The following CLASP2 variants were observed in gnomAD, a reference collection of about 807,000 sequenced individuals.
The protein encoded by CLASP2 is CLIP-associating protein 2.
CLASP2 carries 47 observed loss-of-function variants against 194.4 expected under a neutral mutation model. That is an observed-to-expected ratio of 0.24 (90% confidence interval 0.19 to 0.31). The LOEUF is 0.31. Among genes scored for constraint, CLASP2 ranks in the 10% least tolerant of loss-of-function variants. The probability of loss-of-function intolerance (pLI) is 1.00; values close to 1 mark genes in which losing one functional copy is unlikely to be tolerated. For synonymous variants in CLASP2, 619 were observed against 633.5 expected, an observed-to-expected ratio of 0.98 and a Z score of 0.34; for missense variants, 1,445 against 1,823.6, an observed-to-expected ratio of 0.79 and a Z score of 3.78.
intron 37 of CLASP2, chr3:33,502,873 A>G (rs988878917): frequency 4.6e-5 from 7 of 152,218 alleles, no homozygotes; most frequent in Admixed American, 4.6e-4. Flanking sequence ...TATAATTGCA[A>G]TTATAATGTA....
At chr3:33,522,394 C>G (rs1329476127) in intron 34 of CLASP2, among the ~76,000 whole-genome samples, 3 of 152,012 alleles carry the variant, frequency 2.0e-5, no homozygotes, top group Admixed American at 6.6e-5. Flanking sequence ...ACAATCAGAA[C>G]CAGAATCAAC....
intron 6 of CLASP2, among the ~76,000 whole-genome samples, chr3:33,674,009 C>T (rs1559601601): frequency 6.6e-6 from 1 of 152,074 alleles, no homozygotes; most frequent in Admixed American, 6.6e-5. Flanking sequence ...CTTTAACACC[C>T]CACTGTCAAC....
intron 34 of CLASP2, among the ~76,000 whole-genome samples, chr3:33,530,006 A>AT (rs1559881299): frequency 1.3e-4 from 20 of 150,728 alleles, no homozygotes; most frequent in African/African-American, 4.9e-4. Flanking sequence ...AAAAAAAAAA[A>AT]AAAAAGATCT....
chr3:33,570,924 C>G, intron 25 of CLASP2, 134 bp from the exon 26 acceptor site: 1 of 764,064 alleles, frequency 1.3e-6, no homozygotes, highest in Non-Finnish European at 2.0e-6. Context: ...GCCTATAATC[C>G]TAGCATTTTG....
chr3:33,661,760 T>A (rs2085344996), intron 7 of CLASP2, among the ~76,000 whole-genome samples: 1 of 152,206 alleles, frequency 6.6e-6, no homozygotes, highest in African/African-American at 2.4e-5. Context: ...TAGACCTACA[T>A]ACTGGGAATC....
At chr3:33,700,619 G>A (rs537113424) in intron 1 of CLASP2, among the ~76,000 whole-genome samples, 4 of 152,212 alleles carry the variant, frequency 2.6e-5, no homozygotes, top group East Asian at 1.9e-4. Flanking sequence ...GGTGAGGCAG[G>A]CAGATCACCT....
At chr3:33,699,122 T>C (rs2092183184) in intron 1 of CLASP2, among the ~76,000 whole-genome samples, 1 of 152,106 alleles carries the variant, frequency 6.6e-6, no homozygotes, top group Non-Finnish European at 1.5e-5. Context: ...AAAGATTTGA[T>C]ACAGAGAAGG....
chr3:33,637,386 C>T (rs1009054334), intron 8 of CLASP2, among the ~76,000 whole-genome samples: 1 of 152,130 alleles, frequency 6.6e-6, no homozygotes, highest in East Asian at 1.9e-4. Flanking sequence ...CAAAAATTAG[C>T]TGGGCATGGT....
intron 9 of CLASP2, among the ~76,000 whole-genome samples, chr3:33,627,955 TAGG>T (rs1031645985): frequency 3.3e-5 from 5 of 151,970 alleles, no homozygotes; most frequent in African/African-American, 1.2e-4. Context: ...ATAAAGGGAC[TAGG>T]AGAAGAGCCA....
chr3:33,587,413 C>T (rs755136001), intron 21 of CLASP2, among the ~76,000 whole-genome samples: 1 of 152,124 alleles, frequency 6.6e-6, no homozygotes, highest in East Asian at 1.9e-4. Context: ...CGTGAGCCAC[C>T]GCACCCGGCC....
At chr3:33,671,243 G>A (rs977349494) in intron 6 of CLASP2, among the ~76,000 whole-genome samples, 9 of 152,194 alleles carry the variant, frequency 5.9e-5, no homozygotes, top group South Asian at 4.2e-4. Flanking sequence ...CAGGACTACA[G>A]AACACTTCCT....
intron 26 of CLASP2, among the ~76,000 whole-genome samples, chr3:33,568,444 C>T (rs1050098488): frequency 2.7e-5 from 4 of 149,146 alleles, no homozygotes; most frequent in Non-Finnish European, 6.0e-5. Flanking sequence ...ATCCCAGCTA[C>T]TTGGAAGGCT....
chr3:33,668,573 T>C (rs1213639741), intron 6 of CLASP2, among the ~76,000 whole-genome samples: 6 of 152,230 alleles, frequency 3.9e-5, no homozygotes, highest in Non-Finnish European at 5.9e-5. Context: ...CCGAAATTAA[T>C]CTACGCTTTA....
chr3:33,621,984 C>T, intron 11 of CLASP2, 151 bp downstream of exon 11: 1 of 508,876 alleles, frequency 2.0e-6, no homozygotes, highest in Non-Finnish European at 3.1e-6. Context: ...TTTTAAAAAT[C>T]ATACAGATTG....
At chr3:33,519,684 T>G (rs1575775361) in intron 34 of CLASP2, among the ~76,000 whole-genome samples, 1 of 152,222 alleles carries the variant, frequency 6.6e-6, no homozygotes, top group Non-Finnish European at 1.5e-5. Context: ...ATGGGACTAC[T>G]ACTGCTTTAG....
chr3:33,536,619 A>C (rs1194266437), intron 33 of CLASP2, among the ~76,000 whole-genome samples: 1 of 152,158 alleles, frequency 6.6e-6, no homozygotes, highest in Non-Finnish European at 1.5e-5. Context: ...TTTGGTTTTT[A>C]CTCTGAGACA....
At chr3:33,505,752 G>A (rs77942620) in intron 37 of CLASP2, among the ~76,000 whole-genome samples, 5,376 of 152,218 alleles carry the variant, frequency 0.035, 145 homozygotes, top group Middle Eastern at 0.068. Flanking sequence ...TCAATGAGAT[G>A]CCACCTAAAA....
Position 33,696,868 on chromosome 3 carries a change from G to A in CLASP2, c.261C>T (p.Ser87=). 1.3e-6 allele frequency: 2 copies of A among 1,588,818 alleles called. No homozygotes were observed. Among genetic ancestry groups the A allele is most frequent in the Non-Finnish European group, 1.7e-6 (2 of 1,164,244 alleles). ...AAGTTAACTTACCCATTGCTACATA[G>A]GATTTAAAGCGTGTTGATAATCTGT... The part of the protein sequence containing the change: ...FVDRLSTRFK[S]YVAMVIVALI... Residue 87 remains serine, a synonymous_variant, in exon 2 of 39, where the codon TCC becomes TCT. Coordinates refer to ENST00000682230, the MANE Select transcript of CLASP2 (RefSeq NM_001365631.1).
intron 2 of CLASP2, among the ~76,000 whole-genome samples, chr3:33,690,311 T>C (rs1205575679): frequency 6.6e-6 from 1 of 152,192 alleles, no homozygotes; most frequent in Non-Finnish European, 1.5e-5. Context: ...ACCACTACCA[T>C]TTAGTGTGGT....
Sources: allele counts gnomAD v4.1 joint callset (sites outside exome capture counted in the v4.1 genomes callset), GRCh38; gene constraint gnomAD v4.1.1; transcripts MANE v1.5; gene names NCBI Gene and HGNC (gene_info 2026-07-23, HGNC 2026-07-21).